Variants in DGKB observed in about 807,000 individuals in gnomAD.
DGKB encodes the protein diacylglycerol kinase beta.
A neutral mutation model predicts 114.3 loss-of-function variants in DGKB; 67 were observed. That is an observed-to-expected ratio of 0.59 (90% CI 0.48 to 0.72). The LOEUF (loss-of-function observed/expected upper bound fraction) is 0.72, where lower values mean the gene tolerates loss of function less well. Among genes scored for constraint, DGKB ranks in the 30% least tolerant of loss-of-function variants. The pLI is 0.00. For missense variants in DGKB, 907 were observed against 975.2 expected (o/e 0.93, Z 0.93); for synonymous variants, 398 against 323.1 (o/e 1.23, Z -2.49).
At position 14,587,873 on chromosome 7, in the gene DGKB, A is replaced by T. The variant is rs1563602027; in HGVS notation, c.1434-4736T>A. 2.6e-5 allele frequency among the ~76,000 whole-genome samples: 4 copies of T among 152,140 alleles called. No homozygotes were observed. The South Asian group carries it at 8.3e-4, about 31-fold the overall frequency. ...TTTAATAGACAACAGTATAAACATA[A>T]CTTTTATATGTACTGGGAAACGAAA... is the stretch of plus-strand genomic sequence containing the variant. On this transcript the variant is annotated intron_variant, in intron 17 of 25. Coordinates refer to ENST00000402815, the MANE Select transcript of DGKB (RefSeq NM_001350709.2).
intron 2 of DGKB, among the ~76,000 whole-genome samples, chr7:14,784,020 G>T (rs1241869053): frequency 6.6e-6 from 1 of 152,040 alleles, no homozygotes; most frequent in Non-Finnish European, 1.5e-5. Flanking sequence ...ATTCAATATT[G>T]AATTTTGAAT....
intron 20 of DGKB, among the ~76,000 whole-genome samples, chr7:14,556,487 C>T (rs555434462): frequency 6.6e-6 from 1 of 152,020 alleles, no homozygotes; most frequent in Non-Finnish European, 1.5e-5. Context: ...TGTTGACTGA[C>T]ATAGTGAGAG....
intron 2 of DGKB, among the ~76,000 whole-genome samples, chr7:14,838,186 C>T (rs1847414687): frequency 6.6e-6 from 1 of 151,964 alleles, no homozygotes; most frequent in Non-Finnish European, 1.5e-5. Context: ...ATTAAATGTA[C>T]CTCCATATTC....
chr7:14,802,106 G>T (rs1311993152), intron 2 of DGKB, among the ~76,000 whole-genome samples: 1 of 151,938 alleles, frequency 6.6e-6, no homozygotes, highest in Admixed American at 6.6e-5. Flanking sequence ...TCTGGGAATT[G>T]TCCCACTTAT....
chr7:14,402,950 T>C (rs1302030302), intron 21 of DGKB, among the ~76,000 whole-genome samples: 1 of 151,938 alleles, frequency 6.6e-6, no homozygotes, highest in Non-Finnish European at 1.5e-5. Context: ...GAGGAATTTC[T>C]AGCCAGCTGT....
intron 6 of DGKB, among the ~76,000 whole-genome samples, chr7:14,710,261 A>T (rs577928348): frequency 6.6e-6 from 1 of 152,188 alleles, no homozygotes; most frequent in South Asian, 2.1e-4. Context: ...CCAGGTATTT[A>T]AAAATTTTGA....
chr7:14,468,980 A>G (rs1780887889), intron 21 of DGKB, among the ~76,000 whole-genome samples: 1 of 152,118 alleles, frequency 6.6e-6, no homozygotes, highest in Non-Finnish European at 1.5e-5. Flanking sequence ...GGAAATGATA[A>G]TAATAAAATG....
chr7:14,669,023 T>C (rs527689138), intron 13 of DGKB, among the ~76,000 whole-genome samples: 39 of 152,258 alleles, frequency 2.6e-4, no homozygotes, highest in Admixed American at 1.5e-3. Context: ...GCTGCTCTTT[T>C]CTCCTTGAAA....
At chr7:14,481,991 TA>T (rs749267961) in intron 20 of DGKB, among the ~76,000 whole-genome samples, 2 of 152,018 alleles carry the variant, frequency 1.3e-5, no homozygotes, top group African/African-American at 2.4e-5. Context: ...TATTTCTTCT[TA>T]TGTGGACTAC....
chr7:14,279,144 A>T (rs897990892), intron 23 of DGKB, among the ~76,000 whole-genome samples: 5 of 152,050 alleles, frequency 3.3e-5, no homozygotes, highest in Non-Finnish European at 5.9e-5. Context: ...AAATCGGGTC[A>T]CTCCCACCCG....
intron 23 of DGKB, among the ~76,000 whole-genome samples, chr7:14,218,184 G>A (rs965489070): frequency 3.3e-5 from 5 of 152,000 alleles, no homozygotes; most frequent in Non-Finnish European, 7.4e-5. Context: ...GTTTCAATAC[G>A]AGGTATTCCA....
chr7:14,248,070 A>T lies in DGKB; in HGVS notation c.2123-69919T>A, dbSNP rs576535670. ...TTCGATTCTATTCTTCAGGATGTGG[A>T]TGTCCAGGTTTCCCAACACCATTTG... On this transcript the variant is annotated intron_variant, in intron 23 of 25. Transcript: ENST00000402815. Among the ~76,000 whole-genome samples the T allele has an allele frequency of 9.9e-5, 15 of 152,138 alleles. No homozygotes were observed. In the South Asian group the frequency reaches 1.0e-3, roughly 11 times the overall value.
rs1296784616 is a variant in DGKB at position 14,779,633 on chromosome 7, A to G, written c.71-21902T>C. Among the ~76,000 whole-genome samples, 4 of 152,344 alleles carry G rather than the reference A, an allele frequency of 2.6e-5. No individual in the cohort carries two copies. The East Asian group carries it at 7.7e-4, about 29-fold the overall frequency. On this transcript the variant is annotated intron_variant, in intron 2 of 25. Transcript: ENST00000402815. ...AAATAAAAAGTAAAGGCTCCCACAA[A>G]TTCCAGAACTGAATATTTTATCCAC...
intron 20 of DGKB, among the ~76,000 whole-genome samples, chr7:14,521,830 T>C (rs1313604193): frequency 1.3e-5 from 2 of 152,194 alleles, no homozygotes; most frequent in Non-Finnish European, 2.9e-5. Flanking sequence ...GCATATCTCA[T>C]AATTTTCTGT....
At chr7:14,917,917 C>T (rs1015315107) in intron 1 of DGKB, among the ~76,000 whole-genome samples, 6 of 151,946 alleles carry the variant, frequency 3.9e-5, no homozygotes, top group Non-Finnish European at 7.4e-5. Context: ...CCACCAAGTG[C>T]GATTTATTCC....
chr7:14,238,803 TTA>T (rs766489805), intron 23 of DGKB, among the ~76,000 whole-genome samples: 68 of 152,148 alleles, frequency 4.5e-4, no homozygotes, highest in Non-Finnish European at 8.7e-4. Context: ...TACCTAGTAA[TTA>T]ATTTTTAGAT....
intron 6 of DGKB, among the ~76,000 whole-genome samples, chr7:14,710,242 G>T (rs561537377): frequency 3.3e-5 from 5 of 152,044 alleles, no homozygotes; most frequent in Non-Finnish European, 7.4e-5. Flanking sequence ...AGTTTTTAAA[G>T]ATTTATTTCC....
chr7:14,513,136 A>G (rs559281423), intron 20 of DGKB, among the ~76,000 whole-genome samples: 3 of 152,130 alleles, frequency 2.0e-5, no homozygotes, highest in African/African-American at 7.2e-5. Context: ...AATGACATCC[A>G]TTATAAAAGT....
In DGKB at chr7:14,555,542, A is replaced by G. The variant is rs952813268; in HGVS notation, c.1770+18670T>C. ...AGACTTGATCTCTTAATAATACTGA[A>G]TCTGTCCATGAAGGAATGTCAGAGG... On this transcript the variant is annotated intron_variant, in intron 20 of 25. Transcript: ENST00000402815. Among the ~76,000 whole-genome samples, 7 of 152,180 alleles carry G rather than the reference A, an allele frequency of 4.6e-5. No individual in the cohort carries two copies. The South Asian group carries it at 1.2e-3, about 27-fold the overall frequency.
Sources: gnomAD v4.1 joint callset for allele counts (sites outside exome capture counted in the v4.1 genomes callset) on GRCh38, gnomAD v4.1.1 for gene constraint, MANE v1.5 for transcripts, NCBI Gene and HGNC (gene_info 2026-07-23, HGNC 2026-07-21) for gene names.